Variants in FMN2 observed in about 807,000 individuals in gnomAD.
FMN2 encodes the protein formin-2.
In FMN2, 51 loss-of-function variants were observed where a neutral mutation model predicts 142.3. The observed-to-expected ratio is 0.36, with a 90% confidence interval of 0.29 to 0.45. FMN2 has a LOEUF of 0.45. Among genes scored for constraint, FMN2 ranks in the 20% least tolerant of loss-of-function variants. FMN2 has a pLI of 1.00. For synonymous variants in FMN2, 882 were observed against 869.8 expected (o/e 1.01, Z -0.25); for missense variants, 1,936 against 2,122.8 (o/e 0.91, Z 1.73).
chr1:240,180,674 C>G (rs1482860072), intron 3 of FMN2, among the ~76,000 whole-genome samples: 1 of 147,794 alleles, frequency 6.8e-6, no homozygotes. Flanking sequence ...TCAAGTGATT[C>G]TCCTGCCTCA....
At chr1:240,152,851 A>G (rs1035117480) in intron 2 of FMN2, among the ~76,000 whole-genome samples, 1 of 152,182 alleles carries the variant, frequency 6.6e-6, no homozygotes, top group Non-Finnish European at 1.5e-5. Context: ...CAGAGCCATC[A>G]GTGATTATTG....
chr1:240,168,802 G>A (rs771413612), intron 2 of FMN2, among the ~76,000 whole-genome samples: 1 of 152,130 alleles, frequency 6.6e-6, no homozygotes, highest in Non-Finnish European at 1.5e-5. Flanking sequence ...ACATATTCCA[G>A]AATCTCCAAA....
chr1:240,443,551 G>A (rs891802759), intron 16 of FMN2, among the ~76,000 whole-genome samples: 1 of 152,072 alleles, frequency 6.6e-6, no homozygotes, highest in African/African-American at 2.4e-5. Flanking sequence ...TCAGGAGTTC[G>A]AGACCAGCCT....
chr1:240,374,235 A>G (rs956991186), intron 14 of FMN2, among the ~76,000 whole-genome samples: 5 of 152,202 alleles, frequency 3.3e-5, no homozygotes, highest in Non-Finnish European at 4.4e-5. Context: ...TAGATTTAGC[A>G]TAATTCTTAT....
At chr1:240,301,840 C>T (rs1442914709) in intron 8 of FMN2, among the ~76,000 whole-genome samples, 1 of 151,812 alleles carries the variant, frequency 6.6e-6, no homozygotes, top group Admixed American at 6.6e-5. Context: ...TATAAGTAGG[C>T]ATGGTTTTCT....
At chr1:240,099,054 A>G (rs1661318816) in intron 1 of FMN2, among the ~76,000 whole-genome samples, 1 of 152,170 alleles carries the variant, frequency 6.6e-6, no homozygotes, top group Non-Finnish European at 1.5e-5. Context: ...ATATCTATGA[A>G]GGTAGAAGAA....
At chr1:240,157,366 T>C (rs1475545639) in intron 2 of FMN2, among the ~76,000 whole-genome samples, 2 of 152,218 alleles carry the variant, frequency 1.3e-5, no homozygotes, top group Non-Finnish European at 2.9e-5. Flanking sequence ...TTCCTAGTCA[T>C]TGCTATTAGT....
At chr1:240,361,132 A>AATAAATAAAT (rs1672450710) in intron 14 of FMN2, among the ~76,000 whole-genome samples, 2 of 35,710 alleles carry the variant, frequency 5.6e-5, no homozygotes, top group South Asian at 1.8e-3. Context: ...ATAATAAATA[A>AATAAATAAAT]ATATATGTGT....
chr1:240,435,175 T>TA (rs57731009), intron 15 of FMN2, among the ~76,000 whole-genome samples: 20,071 of 152,090 alleles, frequency 0.13, 3,401 homozygotes, highest in African/African-American at 0.4. Context: ...ATACATATAT[T>TA]ACTACTTCAG....
At chr1:240,303,069 AAAG>A (rs1319747628) in intron 8 of FMN2, among the ~76,000 whole-genome samples, 1 of 152,016 alleles carries the variant, frequency 6.6e-6, no homozygotes, top group Non-Finnish European at 1.5e-5. Context: ...AATTAAGTAA[AAAG>A]AAGTATATTT....
chr1:240,472,695 C>A (rs1676849846), intron 17 of FMN2, among the ~76,000 whole-genome samples: 1 of 151,886 alleles, frequency 6.6e-6, no homozygotes, highest in African/African-American at 2.4e-5. Flanking sequence ...GCCTGTAATT[C>A]CAGCACTTTG....
chr1:240,255,247 G>A (rs1210916728), intron 6 of FMN2, among the ~76,000 whole-genome samples: 1 of 152,088 alleles, frequency 6.6e-6, no homozygotes. Context: ...GAATTCCAAT[G>A]TTCTCTCTTA....
chr1:240,093,929 C>G (rs975913680), intron 1 of FMN2, among the ~76,000 whole-genome samples: 2 of 152,236 alleles, frequency 1.3e-5, no homozygotes, highest in Non-Finnish European at 2.9e-5. Context: ...TGTGTTCTTA[C>G]AAGATCTTAA....
chr1:240,094,577 A>G (rs139137836), intron 1 of FMN2, among the ~76,000 whole-genome samples: 73 of 152,292 alleles, frequency 4.8e-4, no homozygotes, highest in African/African-American at 1.7e-3. Context: ...AGTTTATCCT[A>G]GCTTACAGGC....
At chr1:240,201,667 G>T (rs1007238621) in intron 4 of FMN2, among the ~76,000 whole-genome samples, 1 of 152,012 alleles carries the variant, frequency 6.6e-6, no homozygotes, top group Non-Finnish European at 1.5e-5. Context: ...TTTCCATTAT[G>T]ATAAAAATTG....
chr1:240,271,213 C>T (rs16839690), intron 7 of FMN2, among the ~76,000 whole-genome samples: 41,001 of 144,680 alleles, frequency 0.28, 5,774 homozygotes, highest in Middle Eastern at 0.38. Context: ...TATGAAATTT[C>T]CTATGGAACA....
At chr1:240,258,392 G>T (rs1390625200) in intron 7 of FMN2, among the ~76,000 whole-genome samples, 1 of 152,160 alleles carries the variant, frequency 6.6e-6, no homozygotes, top group Non-Finnish European at 1.5e-5. Context: ...TTCGGTTCTG[G>T]TGAGGGCCGT....
chr1:240,177,022 T>A (rs1016208926), intron 2 of FMN2, among the ~76,000 whole-genome samples: 3 of 152,208 alleles, frequency 2.0e-5, no homozygotes, highest in Non-Finnish European at 2.9e-5. Flanking sequence ...ATTACAGTGG[T>A]TTTTTGTTTT....
intron 1 of FMN2, among the ~76,000 whole-genome samples, chr1:240,097,735 C>T (rs1483666455): frequency 1.3e-5 from 2 of 152,148 alleles, no homozygotes; most frequent in Non-Finnish European, 2.9e-5. Flanking sequence ...AATTGGCTTA[C>T]AATTCCTGTA....
Sources: gnomAD v4.1 joint callset for allele counts (sites outside exome capture counted in the v4.1 genomes callset) on GRCh38, gnomAD v4.1.1 for gene constraint, MANE v1.5 for transcripts, NCBI Gene and HGNC (gene_info 2026-07-23, HGNC 2026-07-21) for gene names.